SLC35F4: variants seen among roughly 807,000 people sequenced by gnomAD.
The protein encoded by SLC35F4 is solute carrier family 35 member F4.
SLC35F4 carries 24 observed loss-of-function variants against 44.2 expected under a neutral mutation model. That is an observed-to-expected ratio of 0.54 (90% CI 0.39 to 0.76). The LOEUF is 0.76. Ranked by LOEUF, SLC35F4 falls within the 30% of genes least tolerant of loss-of-function variation. The pLI, the probability that SLC35F4 is intolerant of heterozygous loss-of-function variation, is 0.00. For synonymous variants in SLC35F4, 238 were observed against 223.6 expected (o/e 1.06, Z -0.57); for missense variants, 562 against 586.1 (o/e 0.96, Z 0.42).
chr14:57,709,019 G>C (rs995099648), intron 1 of SLC35F4, among the ~76,000 whole-genome samples: 12 of 152,200 alleles, frequency 7.9e-5, no homozygotes, highest in African/African-American at 2.7e-4. Context: ...AGGTGTATAG[G>C]ATGGAACATG....
chr14:57,575,894 T>C (rs1239862821), intron 4 of SLC35F4, among the ~76,000 whole-genome samples: 1 of 152,252 alleles, frequency 6.6e-6, no homozygotes, highest in Non-Finnish European at 1.5e-5. Flanking sequence ...TGACCCTGCA[T>C]GGAGGGTGTT....
At chr14:57,828,847 T>C (rs1884061888) in intron 1 of SLC35F4, among the ~76,000 whole-genome samples, 1 of 152,214 alleles carries the variant, frequency 6.6e-6, no homozygotes, top group Admixed American at 6.5e-5. Context: ...CACAAGGGTA[T>C]TTTGAAAATG....
At chr14:57,883,881 C>A (rs1250940539) in intron 1 of SLC35F4, among the ~76,000 whole-genome samples, 1 of 152,128 alleles carries the variant, frequency 6.6e-6, no homozygotes, top group Non-Finnish European at 1.5e-5. Context: ...TATTTTTTAA[C>A]AAATATTTCT....
At chr14:57,579,720 C>T (rs117378244) in intron 4 of SLC35F4, among the ~76,000 whole-genome samples, 2,201 of 152,280 alleles carry the variant, frequency 0.014, 22 homozygotes, top group Middle Eastern at 0.031. Flanking sequence ...ACCCCCACTT[C>T]GTGCCCTGTA....
At chr14:57,652,296 C>T (rs142353844) in intron 1 of SLC35F4, among the ~76,000 whole-genome samples, 54 of 152,300 alleles carry the variant, frequency 3.5e-4, no homozygotes, top group African/African-American at 1.1e-3. Flanking sequence ...CATGGACAGG[C>T]GTGCTAGCTT....
At chr14:57,673,898 C>T (rs1440027670) in intron 1 of SLC35F4, among the ~76,000 whole-genome samples, 3 of 151,978 alleles carry the variant, frequency 2.0e-5, no homozygotes, top group Non-Finnish European at 4.4e-5. Flanking sequence ...TAACAAAGCA[C>T]TGTTATCAAG....
chr14:57,665,786 T>C (rs2074287240), intron 1 of SLC35F4, among the ~76,000 whole-genome samples: 2 of 152,192 alleles, frequency 1.3e-5, no homozygotes, highest in Non-Finnish European at 2.9e-5. Flanking sequence ...CATCATGGAA[T>C]ACTGTGCAGC....
At chr14:57,757,697 A>G (rs1312051492) in intron 1 of SLC35F4, among the ~76,000 whole-genome samples, 1 of 152,118 alleles carries the variant, frequency 6.6e-6, no homozygotes, top group African/African-American at 2.4e-5. Flanking sequence ...AATTTTTATC[A>G]TCATTCTTAC....
chr14:57,860,606 T>C (rs1887600442), intron 1 of SLC35F4, among the ~76,000 whole-genome samples: 2 of 152,120 alleles, frequency 1.3e-5, no homozygotes, highest in African/African-American at 2.4e-5. Context: ...AATTCAACCA[T>C]ACATCAACAC....
At position 57,941,778 on chromosome 14, in the gene SLC35F4, G is replaced by A. The variant is rs539029361; in HGVS notation, n.282+40135C>T. On this transcript the variant is annotated intron_variant and non_coding_transcript_variant, in intron 1 of 1. Coordinates refer to the SLC35F4 transcript ENST00000556568. ...AATACATGACCTATAAACATTTTGA[G>A]AGCAGGAGTTGTAACTCATGAAATT... 2.2e-4 allele frequency among the ~76,000 whole-genome samples: 34 copies of A among 152,198 alleles called. 1 individual carries two copies. Among genetic ancestry groups the A allele is most frequent in the Admixed American group, 1.1e-3 (17 of 15,294 alleles).
chr14:57,655,728 A>C (rs575342316), intron 1 of SLC35F4, among the ~76,000 whole-genome samples: 1 of 152,150 alleles, frequency 6.6e-6, no homozygotes, highest in South Asian at 2.1e-4. Context: ...CTTAGTTCTC[A>C]TTGTCATCAC....
At chr14:57,958,864 A>C (rs1428761488) in intron 1 of SLC35F4, among the ~76,000 whole-genome samples, 1 of 152,214 alleles carries the variant, frequency 6.6e-6, no homozygotes, top group Non-Finnish European at 1.5e-5. Flanking sequence ...TCCTGCCTAG[A>C]AGGTCTAACT....
chr14:57,636,866 T>A (rs913897573), intron 1 of SLC35F4, among the ~76,000 whole-genome samples: 6 of 152,114 alleles, frequency 3.9e-5, no homozygotes, highest in African/African-American at 1.2e-4. Flanking sequence ...ATGAACCACC[T>A]AGGCCAACAG....
intron 1 of SLC35F4, among the ~76,000 whole-genome samples, chr14:57,619,177 G>A (rs2072034836): frequency 6.6e-6 from 1 of 152,180 alleles, no homozygotes; most frequent in Admixed American, 6.5e-5. Flanking sequence ...TCCCAGCACA[G>A]CATTTGAGCT....
intron 1 of SLC35F4, among the ~76,000 whole-genome samples, chr14:57,634,260 C>T (rs977431892): frequency 3.9e-5 from 6 of 152,034 alleles, no homozygotes; most frequent in South Asian, 2.1e-4. Flanking sequence ...GTGATAAGTG[C>T]GGTTGAAGGC....
At chr14:57,955,348 C>T (rs932399297) in intron 1 of SLC35F4, among the ~76,000 whole-genome samples, 103 of 152,142 alleles carry the variant, frequency 6.8e-4, no homozygotes, top group African/African-American at 2.3e-3. Flanking sequence ...ACTGAATGGG[C>T]AAAAGCTGGA....
intron 1 of SLC35F4, among the ~76,000 whole-genome samples, chr14:57,856,784 G>T (rs971672200): frequency 6.6e-6 from 1 of 151,962 alleles, no homozygotes; most frequent in Non-Finnish European, 1.5e-5. Flanking sequence ...TATGAACAAG[G>T]ATAGATATTT....
chr14:57,971,443 G>A (rs987125931), intron 1 of SLC35F4, among the ~76,000 whole-genome samples: 10 of 152,122 alleles, frequency 6.6e-5, no homozygotes, highest in African/African-American at 2.4e-4. Flanking sequence ...CTGGTAAAAA[G>A]GTGGATTCTC....
At chr14:57,569,719 T>A in intron 6 of SLC35F4, 69 bp downstream of exon 6, 1 of 1,415,324 alleles carries the variant, frequency 7.1e-7, no homozygotes, top group South Asian at 1.6e-5. Flanking sequence ...AATAATCCTA[T>A]GATGATAATC....
Sources: gnomAD v4.1 joint callset for allele counts (sites outside exome capture counted in the v4.1 genomes callset) on GRCh38, gnomAD v4.1.1 for gene constraint, MANE v1.5 for transcripts, NCBI Gene and HGNC (gene_info 2026-07-23, HGNC 2026-07-21) for gene names.